MAPK10: variants seen among roughly 807,000 people sequenced by gnomAD.
MAPK10 encodes the protein JNK3 alpha protein kinase.
Under a neutral mutation model 59.3 loss-of-function variants are expected in MAPK10, and 25 were observed. The ratio of observed to expected loss-of-function variants is 0.42; its 90% CI spans 0.31 to 0.59. The LOEUF (loss-of-function observed/expected upper bound fraction) is 0.59. Ranked by LOEUF, MAPK10 falls within the 20% of genes least tolerant of loss-of-function variation. The probability of loss-of-function intolerance (pLI) is 0.15; values close to 1 mark genes in which losing one functional copy is unlikely to be tolerated. For synonymous variants in MAPK10, 190 were observed against 200.5 expected, an observed-to-expected ratio of 0.95 and a Z score of 0.44; for missense variants, 351 against 568.9, an observed-to-expected ratio of 0.62 and a Z score of 3.90.
chr4:86,512,527 G>T (rs1408176547), intron 1 of MAPK10, among the ~76,000 whole-genome samples: 1 of 152,046 alleles, frequency 6.6e-6, no homozygotes, highest in Non-Finnish European at 1.5e-5. Flanking sequence ...AGCCTCAAAA[G>T]GTTTTAAATC....
chr4:86,078,928 G>T (rs2050073177), intron 9 of MAPK10, among the ~76,000 whole-genome samples: 1 of 152,112 alleles, frequency 6.6e-6, no homozygotes, highest in Non-Finnish European at 1.5e-5. Context: ...GGCACAGGTT[G>T]CAGTAAGCAG....
At chr4:86,576,491 T>G (rs1183087272) in intron 1 of MAPK10, among the ~76,000 whole-genome samples, 5 of 152,098 alleles carry the variant, frequency 3.3e-5, no homozygotes, top group African/African-American at 1.2e-4. Flanking sequence ...CGGCCTATAG[T>G]AGGCCGGGCG....
At chr4:86,480,310 A>G (rs977854739) in intron 1 of MAPK10, among the ~76,000 whole-genome samples, 2 of 139,604 alleles carry the variant, frequency 1.4e-5, no homozygotes, top group Admixed American at 1.5e-4. Flanking sequence ...CCCACTGAGC[A>G]CCCTGTGACC....
rs531171008 is a variant in MAPK10, at chr4:86,449,841, G to C, written c.-122+3189C>G. On this transcript the variant is annotated intron_variant, in intron 1 of 13. Coordinates refer to the MAPK10 transcript ENST00000361569. ...TCCTGCTGGTCTTGAGAAGTAACCT[G>C]CCATGTTGTAGGCGCACAAAGGGCA... 7.2e-5 allele frequency among the ~76,000 whole-genome samples: 11 copies of C among 152,332 alleles called. No homozygotes were observed. The South Asian group carries it at 2.3e-3, about 32-fold the overall frequency.
chr4:86,499,312 G>T (rs1164100131), intron 1 of MAPK10, among the ~76,000 whole-genome samples: 1 of 152,106 alleles, frequency 6.6e-6, no homozygotes, highest in Non-Finnish European at 1.5e-5. Context: ...CACTGCCCTG[G>T]ACCTGCCTAA....
intron 2 of MAPK10, among the ~76,000 whole-genome samples, chr4:86,196,149 C>T (rs146790474): frequency 6.6e-6 from 1 of 152,206 alleles, no homozygotes; most frequent in Admixed American, 6.5e-5. Context: ...GCCACACTGT[C>T]TTCCACAATG....
chr4:86,360,781 T>C (rs539904866), upstream of MAPK10, among the ~76,000 whole-genome samples: 5 of 152,254 alleles, frequency 3.3e-5, no homozygotes, highest in Non-Finnish European at 7.4e-5. Context: ...TTAACTGTTA[T>C]AGGGTATTTT....
At chr4:86,502,229 C>T (rs1755383810) in intron 1 of MAPK10, among the ~76,000 whole-genome samples, 1 of 151,874 alleles carries the variant, frequency 6.6e-6, no homozygotes, top group South Asian at 2.1e-4. Context: ...AAATAGTAAC[C>T]ACCCCCATTC....
intron 1 of MAPK10, among the ~76,000 whole-genome samples, chr4:86,482,064 A>T (rs1429201262): frequency 6.6e-6 from 1 of 152,194 alleles, no homozygotes; most frequent in East Asian, 1.9e-4. Context: ...TTTATAATAC[A>T]ATGAAGTACA....
chr4:86,303,548 T>C (rs2095507079), intron 2 of MAPK10, among the ~76,000 whole-genome samples: 2 of 152,164 alleles, frequency 1.3e-5, no homozygotes, highest in South Asian at 4.1e-4. Context: ...GAAAGTAGAC[T>C]AAAAGTACAA....
chr4:86,480,320 C>G (rs1263887575), intron 1 of MAPK10, among the ~76,000 whole-genome samples: 2 of 91,562 alleles, frequency 2.2e-5, no homozygotes, highest in African/African-American at 5.8e-5. Flanking sequence ...ACCCTGTGAC[C>G]CCCCCACTCC....
At chr4:86,236,664 C>T (rs762525401) in intron 2 of MAPK10, among the ~76,000 whole-genome samples, 6 of 152,058 alleles carry the variant, frequency 3.9e-5, no homozygotes, top group Non-Finnish European at 7.4e-5. Flanking sequence ...GCTATTGTGA[C>T]GGTTCAAGGA....
chr4:86,189,169 A>G (rs1050654363), intron 3 of MAPK10, among the ~76,000 whole-genome samples: 11 of 152,182 alleles, frequency 7.2e-5, no homozygotes, highest in African/African-American at 2.7e-4. Context: ...GTTTGAAGTC[A>G]GGTAGCATGA....
At chr4:86,570,433 T>C (rs1471643805) in intron 1 of MAPK10, among the ~76,000 whole-genome samples, 1 of 152,194 alleles carries the variant, frequency 6.6e-6, no homozygotes, top group Non-Finnish European at 1.5e-5. Flanking sequence ...TTCTGATTAG[T>C]ATACTTGGTA....
intron 1 of MAPK10, among the ~76,000 whole-genome samples, chr4:86,511,696 AAGAAGG>A (rs1381634038): frequency 5.8e-4 from 86 of 147,608 alleles, no homozygotes; most frequent in African/African-American, 2.1e-3. Flanking sequence ...CAGGAAGAAG[AAGAAGG>A]AGGAGGAGGA....
intron 11 of MAPK10, among the ~76,000 whole-genome samples, chr4:86,047,626 T>TTGTGTGTGTGTACG (rs2042749991): frequency 1.3e-5 from 2 of 152,134 alleles, no homozygotes; most frequent in Non-Finnish European, 2.9e-5. Context: ...GGTTTTTCTT[T>TTGTGTGTGTGTACG]TGTGTGTGTG....
At chr4:86,297,562 C>T (rs1174244868) in intron 2 of MAPK10, among the ~76,000 whole-genome samples, 3 of 152,126 alleles carry the variant, frequency 2.0e-5, no homozygotes, top group African/African-American at 4.8e-5. Flanking sequence ...CCACCCACCT[C>T]GGCCTCCCAA....
chr4:86,293,094 A>G (rs1004070517), intron 2 of MAPK10, among the ~76,000 whole-genome samples: 1 of 152,242 alleles, frequency 6.6e-6, no homozygotes, highest in African/African-American at 2.4e-5. Context: ...AAATTCACTG[A>G]GTCTTCAGAA....
intron 2 of MAPK10, among the ~76,000 whole-genome samples, chr4:86,344,786 C>T (rs1179896993): frequency 6.6e-6 from 1 of 152,012 alleles, no homozygotes; most frequent in African/African-American, 2.4e-5. Flanking sequence ...CTAAAGTGAC[C>T]AAGGCACCAA....
Sources: gnomAD v4.1 joint callset for allele counts (sites outside exome capture counted in the v4.1 genomes callset) on GRCh38, gnomAD v4.1.1 for gene constraint, MANE v1.5 for transcripts, NCBI Gene and HGNC (gene_info 2026-07-23, HGNC 2026-07-21) for gene names.